The following NUP210L variants were observed in gnomAD, a reference collection of about 807,000 sequenced individuals.
The protein encoded by NUP210L is nucleoporin 210 like.
In NUP210L, 74 loss-of-function variants were observed where a neutral mutation model predicts 208.5. The ratio of observed to expected loss-of-function variants is 0.35; its 90% CI spans 0.29 to 0.43. NUP210L has a LOEUF of 0.43. Among genes scored for constraint, NUP210L ranks in the 20% least tolerant of loss-of-function variants. The pLI is 1.00. For synonymous variants in NUP210L, 780 were observed against 816.9 expected, an observed-to-expected ratio of 0.95 and a Z score of 0.77; for missense variants, 1,843 against 2,289.4, an observed-to-expected ratio of 0.81 and a Z score of 3.98.
At chr1:154,053,538 C>A (rs542528852) in intron 25 of NUP210L, among the ~76,000 whole-genome samples, 19 of 152,288 alleles carry the variant, frequency 1.2e-4, no homozygotes, top group African/African-American at 4.6e-4. Context: ...TGAAGGTTGT[C>A]GGTTTACCAG....
intron 35 of NUP210L, 113 bp from the exon 36 acceptor site, chr1:154,002,098 G>T: frequency 8.9e-7 from 1 of 1,125,216 alleles, no homozygotes; most frequent in Non-Finnish European, 1.3e-6. Flanking sequence ...AAGAGAAAAT[G>T]TGAATTTAGT....
exon 28 of NUP210L, chr1:154,029,927 A>C: frequency 6.2e-7 from 1 of 1,610,148 alleles, no homozygotes. Flanking sequence ...GAGTTCCAAC[A>C]AATTCCCCTC....
At chr1:154,081,819 A>C (rs1183634429) in intron 16 of NUP210L, among the ~76,000 whole-genome samples, 1 of 152,090 alleles carries the variant, frequency 6.6e-6, no homozygotes, top group Non-Finnish European at 1.5e-5. Context: ...CTGACTCTAC[A>C]GAAAAATTTT....
intron 2 of NUP210L, among the ~76,000 whole-genome samples, chr1:154,150,675 C>T: frequency 8.8e-6 from 1 of 114,102 alleles, no homozygotes; most frequent in East Asian, 2.0e-4. Context: ...TTGCAGCGAG[C>T]CAAGATCGCG....
At chr1:154,019,020 G>A (rs1370307528) in exon 33 of NUP210L, 3 of 1,613,890 alleles carry the variant, frequency 1.9e-6, no homozygotes, top group Admixed American at 1.7e-5. Flanking sequence ...CAGTGACAAT[G>A]TCTGTCTGTA....
intron 1 of NUP210L, 23 bp from the exon 2 acceptor site, chr1:154,152,895 A>C (rs1659471532): frequency 6.2e-7 from 1 of 1,610,820 alleles, no homozygotes; most frequent in African/African-American, 1.3e-5. Context: ...AATTCTTAAG[A>C]GTGTGAAATA....
chr1:154,061,995 T>G (rs1046034003), intron 17 of NUP210L, among the ~76,000 whole-genome samples: 6 of 152,092 alleles, frequency 3.9e-5, no homozygotes, highest in Admixed American at 3.9e-4. Context: ...GCCTGGCTAA[T>G]TTTTGTATTT....
At chr1:154,025,094 A>G (rs897577979) in intron 30 of NUP210L, among the ~76,000 whole-genome samples, 4 of 151,114 alleles carry the variant, frequency 2.6e-5, no homozygotes, top group Non-Finnish European at 4.4e-5. Flanking sequence ...TCGCCCAGCT[A>G]ATTTTTTGTA....
intron 27 of NUP210L, among the ~76,000 whole-genome samples, chr1:154,036,978 G>A (rs1170342243): frequency 6.6e-6 from 1 of 151,892 alleles, no homozygotes; most frequent in African/African-American, 2.4e-5. Context: ...GCCCAGGCTG[G>A]TCTCAAACTA....
intron 16 of NUP210L, among the ~76,000 whole-genome samples, chr1:154,073,571 T>C (rs952795527): frequency 1.3e-5 from 2 of 151,806 alleles, no homozygotes; most frequent in African/African-American, 2.4e-5. Flanking sequence ...TCTCAGCACT[T>C]TGGGATGCCA....
At chr1:153,996,539 A>G (rs2147878919) in intron 37 of NUP210L, among the ~76,000 whole-genome samples, 1 of 152,040 alleles carries the variant, frequency 6.6e-6, no homozygotes, top group South Asian at 2.1e-4. Context: ...CTTTTGTCTC[A>G]GCCTCCCTAG....
chr1:154,073,091 C>A (rs1654840566), intron 16 of NUP210L, among the ~76,000 whole-genome samples: 1 of 152,022 alleles, frequency 6.6e-6, no homozygotes, highest in Non-Finnish European at 1.5e-5. Context: ...AACAAACAAC[C>A]TCATCAAAAA....
intron 12 of NUP210L, among the ~76,000 whole-genome samples, chr1:154,108,464 A>ACATTTTTTTTAAAAATCATTAATG (rs1557982135): frequency 3.2e-4 from 47 of 148,754 alleles, no homozygotes; most frequent in African/African-American, 1.2e-3. Flanking sequence ...CACTGCAACC[A>ACATTTTTTTTAAAAATCATTAATG]GCCTAGAGTT....
chr1:154,081,814 T>C (rs1655342876), intron 16 of NUP210L, among the ~76,000 whole-genome samples: 1 of 152,086 alleles, frequency 6.6e-6, no homozygotes, highest in South Asian at 2.1e-4. Context: ...AGACCCTGAC[T>C]CTACAGAAAA....
chr1:154,016,638 TCAAA>T (rs1464068199), intron 33 of NUP210L, among the ~76,000 whole-genome samples: 1 of 152,024 alleles, frequency 6.6e-6, no homozygotes, highest in African/African-American at 2.4e-5. Context: ...AATTCTCCAA[TCAAA>T]CATTCATTCA....
intron 27 of NUP210L, among the ~76,000 whole-genome samples, chr1:154,044,880 C>CT (rs374188960): frequency 4.9e-4 from 74 of 151,116 alleles, no homozygotes; most frequent in African/African-American, 8.7e-4. Flanking sequence ...GCCAAACTTG[C>CT]TTTTTTTTTG....
intron 12 of NUP210L, among the ~76,000 whole-genome samples, chr1:154,109,066 C>T (rs909685110): frequency 3.3e-5 from 5 of 151,744 alleles, no homozygotes; most frequent in Non-Finnish European, 5.9e-5. Flanking sequence ...TGCCATCGCA[C>T]TCCAGCCTGG....
At chr1:154,071,975 CGTGTGT>C (rs57566189) in intron 16 of NUP210L, among the ~76,000 whole-genome samples, 1,564 of 148,446 alleles carry the variant, frequency 0.011, 31 homozygotes, top group African/African-American at 0.037. Context: ...TATTCCATCG[CGTGTGT>C]GTGTGTGTGT....
chr1:154,001,909 T>C (rs1650235798), exon 36 of NUP210L: 20 of 1,614,120 alleles, frequency 1.2e-5, no homozygotes, highest in Non-Finnish European at 1.7e-5. Flanking sequence ...ACCCATAGAC[T>C]GAGGTGTCAG....
Sources: gnomAD v4.1 joint callset for allele counts (sites outside exome capture counted in the v4.1 genomes callset) on GRCh38, gnomAD v4.1.1 for gene constraint, MANE v1.5 for transcripts, NCBI Gene and HGNC (gene_info 2026-07-23, HGNC 2026-07-21) for gene names.